SUCLG2: variants seen among roughly 807,000 people sequenced by gnomAD.
SUCLG2 encodes the protein succinate--CoA ligase [GDP-forming] subunit beta, mitochondrial.
In SUCLG2, 42 loss-of-function variants were observed where a neutral mutation model predicts 47.9. The ratio of observed to expected loss-of-function variants is 0.88; its 90% CI spans 0.69 to 1.14. The LOEUF is 1.14. Ranked by LOEUF, SUCLG2 falls within the 50% of genes most tolerant of loss-of-function variation. The probability of loss-of-function intolerance (pLI) is 0.00; values close to 1 mark genes in which losing one functional copy is unlikely to be tolerated. For synonymous variants in SUCLG2, 195 were observed against 197.3 expected (o/e 0.99, Z 0.10); for missense variants, 571 against 525.9 (o/e 1.09, Z -0.84).
intron 1 of SUCLG2, among the ~76,000 whole-genome samples, chr3:67,630,372 A>G (rs1434426114): frequency 6.6e-6 from 1 of 152,244 alleles, no homozygotes; most frequent in Non-Finnish European, 1.5e-5. Context: ...GGTCAAGGAC[A>G]TTAAACATAG....
chr3:67,503,417 T>C (rs1020647605), intron 7 of SUCLG2, among the ~76,000 whole-genome samples: 1 of 152,252 alleles, frequency 6.6e-6, no homozygotes, highest in Non-Finnish European at 1.5e-5. Context: ...TACATGCTTA[T>C]TTCCTCCTGT....
At chr3:67,497,603 T>C (rs1244779259) in intron 8 of SUCLG2, among the ~76,000 whole-genome samples, 2 of 152,198 alleles carry the variant, frequency 1.3e-5, no homozygotes, top group African/African-American at 4.8e-5. Flanking sequence ...TGTCCTCTTC[T>C]ATTTCCTCTG....
chr3:67,431,755 G>T (rs1024251897), intron 9 of SUCLG2, among the ~76,000 whole-genome samples: 1 of 150,514 alleles, frequency 6.6e-6, no homozygotes, highest in Non-Finnish European at 1.5e-5. Flanking sequence ...GCGGGAGGGG[G>T]GAGGGATACC....
At chr3:67,589,252 C>T (rs1708097851) in intron 2 of SUCLG2, among the ~76,000 whole-genome samples, 2 of 152,192 alleles carry the variant, frequency 1.3e-5, no homozygotes, top group Admixed American at 6.5e-5. Flanking sequence ...TCTCACTACC[C>T]TCTTTTATAT....
intron 1 of SUCLG2, among the ~76,000 whole-genome samples, chr3:67,610,079 G>C (rs996354748): frequency 3.3e-5 from 5 of 152,128 alleles, no homozygotes; most frequent in African/African-American, 9.7e-5. Flanking sequence ...TAAATAAAGA[G>C]CATAGCATTA....
At chr3:67,426,024 T>C (rs904041309) in intron 9 of SUCLG2, among the ~76,000 whole-genome samples, 1 of 152,230 alleles carries the variant, frequency 6.6e-6, no homozygotes, top group South Asian at 2.1e-4. Context: ...AATTACCAAC[T>C]GTCTCACTTA....
intron 10 of SUCLG2, among the ~76,000 whole-genome samples, chr3:67,394,817 G>A (rs899150515): frequency 1.5e-4 from 22 of 151,468 alleles, no homozygotes; most frequent in East Asian, 3.9e-4. Context: ...GACTAACAGC[G>A]GATCTCTCGG....
chr3:67,528,086 A>G (rs745677531), intron 4 of SUCLG2, 46 bp downstream of exon 4: 7 of 1,541,776 alleles, frequency 4.5e-6, no homozygotes, highest in African/African-American at 1.4e-5. Flanking sequence ...TTTCTTTTCT[A>G]TTTTTTAACA....
intron 6 of SUCLG2, among the ~76,000 whole-genome samples, chr3:67,517,248 C>A (rs1705968146): frequency 6.6e-6 from 1 of 152,066 alleles, no homozygotes; most frequent in Non-Finnish European, 1.5e-5. Flanking sequence ...CTGTTTTATC[C>A]CTCTTTGACT....
chr3:67,439,765 T>C (rs1171343468), intron 9 of SUCLG2, among the ~76,000 whole-genome samples: 1 of 152,172 alleles, frequency 6.6e-6, no homozygotes, highest in Non-Finnish European at 1.5e-5. Flanking sequence ...TCCATGCTCA[T>C]GAATAGGAAG....
At chr3:67,495,764 T>C in intron 9 of SUCLG2, 34 bp downstream of exon 9, 1 of 1,610,734 alleles carries the variant, frequency 6.2e-7, no homozygotes, top group Non-Finnish European at 8.5e-7. Flanking sequence ...AAATTAAAAC[T>C]GGCATATAAT....
chr3:67,594,499 T>A (rs572012096), intron 2 of SUCLG2, among the ~76,000 whole-genome samples: 32 of 152,292 alleles, frequency 2.1e-4, no homozygotes, highest in African/African-American at 7.2e-4. Context: ...GTGTTCATCC[T>A]CACAGGTCAG....
At chr3:67,505,221 G>A (rs946895303) in intron 7 of SUCLG2, among the ~76,000 whole-genome samples, 1 of 152,194 alleles carries the variant, frequency 6.6e-6, no homozygotes, top group African/African-American at 2.4e-5. Context: ...TGAGAGCCTG[G>A]CTGAGAAAGA....
intron 9 of SUCLG2, among the ~76,000 whole-genome samples, chr3:67,493,297 G>T (rs911494166): frequency 6.6e-6 from 1 of 152,150 alleles, no homozygotes; most frequent in African/African-American, 2.4e-5. Flanking sequence ...GAAATTTCAA[G>T]ATTTGGAAAA....
At chr3:67,498,360 G>C in intron 7 of SUCLG2, 65 bp from the exon 8 acceptor site, 1 of 1,544,314 alleles carries the variant, frequency 6.5e-7, no homozygotes, top group Non-Finnish European at 8.8e-7. Context: ...AAGTTCTTCA[G>C]GCTGGTAGGC....
intron 9 of SUCLG2, among the ~76,000 whole-genome samples, chr3:67,425,306 T>C (rs1703269356): frequency 6.6e-6 from 1 of 152,200 alleles, no homozygotes. Flanking sequence ...ATCCCTAGAA[T>C]TAATATTGGG....
intron 1 of SUCLG2, among the ~76,000 whole-genome samples, chr3:67,642,960 T>C (rs901194644): frequency 7.0e-6 from 1 of 142,908 alleles, no homozygotes; most frequent in Admixed American, 6.9e-5. Flanking sequence ...GTGAGAGAGA[T>C]GGCACCCTGC....
At chr3:67,639,014 C>T (rs906186708) in intron 1 of SUCLG2, among the ~76,000 whole-genome samples, 2 of 152,092 alleles carry the variant, frequency 1.3e-5, no homozygotes, top group African/African-American at 2.4e-5. Context: ...AGAGCTATTC[C>T]GTGGCCTTGT....
intron 2 of SUCLG2, among the ~76,000 whole-genome samples, chr3:67,597,062 G>A (rs1375957073): frequency 6.6e-6 from 1 of 152,176 alleles, no homozygotes; most frequent in Non-Finnish European, 1.5e-5. Context: ...CCCACAGAAG[G>A]TGAAGCTGTC....
Sources: gnomAD v4.1 joint callset for allele counts (sites outside exome capture counted in the v4.1 genomes callset) on GRCh38, gnomAD v4.1.1 for gene constraint, MANE v1.5 for transcripts, NCBI Gene and HGNC (gene_info 2026-07-23, HGNC 2026-07-21) for gene names.